TTC12: variants seen among roughly 807,000 people sequenced by gnomAD.
TTC12 encodes the protein tetratricopeptide repeat domain 12.
A neutral mutation model predicts 90.1 loss-of-function variants in TTC12; 70 were observed. The observed-to-expected ratio is 0.78, with a 90% CI of 0.64 to 0.95. The LOEUF (loss-of-function observed/expected upper bound fraction) is 0.95. Among genes scored for constraint, TTC12 ranks in the 40% least tolerant of loss-of-function variants. The probability of loss-of-function intolerance (pLI) is 0.00; values close to 1 mark genes in which losing one functional copy is unlikely to be tolerated. For synonymous variants in TTC12, 296 were observed against 311.5 expected (o/e 0.95, Z 0.53); for missense variants, 819 against 846.1 (o/e 0.97, Z 0.40).
intron 13 of TTC12, among the ~76,000 whole-genome samples, chr11:113,346,986 G>C (rs1448495485): frequency 1.3e-5 from 2 of 152,126 alleles, no homozygotes; most frequent in Admixed American, 1.3e-4. Context: ...GGGTATGTGA[G>C]GAAATAGAAA....
chr11:113,320,966 C>T (rs1307627028), intron 2 of TTC12, among the ~76,000 whole-genome samples: 1 of 151,862 alleles, frequency 6.6e-6, no homozygotes, highest in African/African-American at 2.4e-5. Context: ...TCGCTTGAGC[C>T]CAGGGGTTCA....
chr11:113,352,071 A>G lies in TTC12; in HGVS notation c.1310A>G (p.Lys437Arg). 6.2e-7 allele frequency: 1 copy of G among 1,613,572 alleles called. No homozygotes were observed. Among genetic ancestry groups the G allele is most frequent in the Non-Finnish European group, 8.5e-7 (1 of 1,179,836 alleles). Residue 437 changes from lysine to arginine, a missense_variant and splice_region_variant, in exon 16 of 22, where the codon AAG (lysine) becomes AGG (arginine). Lys to Arg is a conservative substitution (Grantham distance 26). Coordinates refer to ENST00000529221, the MANE Select transcript of TTC12 (RefSeq NM_017868.4). ...GVLPALTGVLKTDPKVSSSSA... is the reference protein window; with the variant it reads ...GVLPALTGVLRTDPKVSSSSA... ...TGCCTTCTCTCAATTCTCATTTAGA[A>G]GACAGATCCCAAGGTAAGCAGCTCC...
Position 113,339,290 on chromosome 11 carries a change from C to T in TTC12, c.642C>T (p.Tyr214=). 1 of 1,598,204 alleles carries T rather than the reference C, an allele frequency of 6.3e-7. No homozygotes were observed. Among genetic ancestry groups the T allele is most frequent in the Non-Finnish European group, 8.5e-7 (1 of 1,173,928 alleles). ...TTTCCTTTCTTGTTTTTCTAGGTTACCTGAATCAAGTAGATCTTCAGGAAA... is the reference window on the plus strand; with the variant it reads ...TTTCCTTTCTTGTTTTTCTAGGTTATCTGAATCAAGTAGATCTTCAGGAAA... ...NPKLQTQVKG[Y]LNQVDLQEKA... is the part of the protein sequence containing the mutation. The change falls in exon 10 of 22, where the codon TAC becomes TAT. Residue 214 remains tyrosine (Y), a synonymous_variant. Transcript: ENST00000529221.
chr11:113,340,044 T>C (rs1555145528), intron 10 of TTC12, among the ~76,000 whole-genome samples: 1 of 152,250 alleles, frequency 6.6e-6, no homozygotes. Context: ...TTACAGTTAA[T>C]GGCTGCATAG....
downstream of TTC12, among the ~76,000 whole-genome samples, chr11:113,367,054 C>G (rs1950241902): frequency 6.6e-6 from 1 of 152,222 alleles, no homozygotes; most frequent in African/African-American, 2.4e-5. Context: ...GTACTCTCAC[C>G]CCATCCCCAG....
intron 7 of TTC12, among the ~76,000 whole-genome samples, chr11:113,333,672 A>G (rs1277823940): frequency 3.3e-5 from 5 of 152,162 alleles, no homozygotes; most frequent in Non-Finnish European, 7.4e-5. Context: ...TATGAACCAT[A>G]AAGCTCAGTG....
At chr11:113,321,135 A>G (rs566357754) in intron 2 of TTC12, among the ~76,000 whole-genome samples, 122 of 152,376 alleles carry the variant, frequency 8.0e-4, no homozygotes, top group Middle Eastern at 3.4e-3. Context: ...GGTGCAAATC[A>G]ATAAGAAGAT....
chr11:113,336,599 A>G (rs556665543), intron 8 of TTC12, among the ~76,000 whole-genome samples: 1 of 152,152 alleles, frequency 6.6e-6, no homozygotes, highest in Non-Finnish European at 1.5e-5. Context: ...TTTTGCCTGT[A>G]GATGTCTACT....
chr11:113,338,307 C>G (rs1349198800), intron 8 of TTC12, among the ~76,000 whole-genome samples: 4 of 152,182 alleles, frequency 2.6e-5, no homozygotes, highest in African/African-American at 4.8e-5. Flanking sequence ...GGATCCCTTA[C>G]CGGTTCTCTT....
intron 16 of TTC12, 29 bp from the exon 17 acceptor site, chr11:113,359,334 T>G: frequency 6.6e-7 from 1 of 1,505,832 alleles, no homozygotes. Flanking sequence ...GGCAAAAAGG[T>G]CATTGGTTAC....
chr11:113,360,320 A>G (rs782357070), intron 18 of TTC12, among the ~76,000 whole-genome samples: 1 of 152,066 alleles, frequency 6.6e-6, no homozygotes, highest in Non-Finnish European at 1.5e-5. Flanking sequence ...TAGATGATAT[A>G]ATCGATCCGA....
At chr11:113,343,641 C>T (rs935222580) in intron 12 of TTC12, among the ~76,000 whole-genome samples, 3 of 152,144 alleles carry the variant, frequency 2.0e-5, no homozygotes, top group East Asian at 1.9e-4. Flanking sequence ...ATCCAGTTTG[C>T]TCTGTTTCCT....
chr11:113,364,102 CTT>C (rs1950083202), intron 20 of TTC12, among the ~76,000 whole-genome samples, 175 bp downstream of exon 20: 1 of 152,208 alleles, frequency 6.6e-6, no homozygotes, highest in Non-Finnish European at 1.5e-5. Context: ...TTTAATTAAC[CTT>C]TTGGATGCAC....
At chr11:113,361,904 A>C (rs1949951361) in intron 18 of TTC12, among the ~76,000 whole-genome samples, 1 of 152,056 alleles carries the variant, frequency 6.6e-6, no homozygotes, top group Non-Finnish European at 1.5e-5. Flanking sequence ...TATCCTGAGA[A>C]AGATTTAAGA....
At chr11:113,359,505 G>A in intron 17 of TTC12, 44 bp downstream of exon 17, 12 of 1,321,032 alleles carry the variant, frequency 9.1e-6, no homozygotes, top group Non-Finnish European at 1.3e-5. Context: ...GGGACAACCT[G>A]TACACATTCT....
rs79243347 is a variant in TTC12, at chr11:113,332,717, A to C, written c.505-2249A>C. On this transcript the variant is annotated intron_variant, in intron 7 of 21. Transcript: ENST00000529221. ...TCCCCTTCCCCAGCTCCAGGGCTGCATGTCAGCTGCCTCCTGCAGGTGCCT... is the reference window on the plus strand; with the variant it reads ...TCCCCTTCCCCAGCTCCAGGGCTGCCTGTCAGCTGCCTCCTGCAGGTGCCT... Among the ~76,000 whole-genome samples the C allele has an allele frequency of 6.9e-4, 105 of 152,226 alleles. No homozygotes were observed. In the East Asian group the frequency reaches 0.018, roughly 26 times the overall value.
chr11:113,325,834 T>C (rs1308895411), intron 6 of TTC12, 189 bp downstream of exon 6: 1 of 676,754 alleles, frequency 1.5e-6, no homozygotes. Flanking sequence ...ATTCTCACCA[T>C]GATCTAATTT....
chr11:113,349,969 C>T, intron 13 of TTC12, 104 bp from the exon 14 acceptor site: 1 of 898,510 alleles, frequency 1.1e-6, no homozygotes, highest in South Asian at 1.4e-5. Context: ...CTGCTTATTT[C>T]ACCCGGATGC....
rs782431231 is a variant in TTC12 at position 113,323,320 on chromosome 11, C to G, written c.91C>G (p.Pro31Ala). 5.6e-6 allele frequency: 9 copies of G among 1,605,802 alleles called. No individual in the cohort carries two copies. The East Asian group carries it at 1.8e-4, about 32-fold the overall frequency. The change falls in exon 3 of 22, where the codon CCA (proline) becomes GCA (alanine). Residue 31 changes from proline to alanine, a missense_variant. Physicochemically the swap from Pro to Ala is conservative, Grantham distance 27. Transcript: ENST00000529221. ...NLIQEMNSDDPVVQQKAVLET... is the reference protein window; with the variant it reads ...NLIQEMNSDDAVVQQKAVLET... ...AATTCAGGAGATGAATTCTGATGAC[C>G]CAGTTGTGCAACAGAAAGCTGTCCT...
Sources: gnomAD v4.1 joint callset for allele counts (sites outside exome capture counted in the v4.1 genomes callset) on GRCh38, gnomAD v4.1.1 for gene constraint, MANE v1.5 for transcripts, NCBI Gene and HGNC (gene_info 2026-07-23, HGNC 2026-07-21) for gene names.